OSBPL10: variants seen among roughly 807,000 people sequenced by gnomAD.
OSBPL10 encodes the protein oxysterol-binding protein-related protein 10.
A neutral mutation model predicts 81.7 loss-of-function variants in OSBPL10; 49 were observed. That is an observed-to-expected ratio of 0.60 (90% CI 0.48 to 0.76). The LOEUF (loss-of-function observed/expected upper bound fraction) is 0.76, where lower values mean the gene tolerates loss of function less well. Among genes scored for constraint, OSBPL10 ranks in the 30% least tolerant of loss-of-function variants. OSBPL10 has a pLI of 0.00. For synonymous variants in OSBPL10, 419 were observed against 383.6 expected (o/e 1.09, Z -1.08); for missense variants, 923 against 987.8 (o/e 0.93, Z 0.88).
At chr3:31,786,925 C>T (rs935432695) in intron 4 of OSBPL10, among the ~76,000 whole-genome samples, 4 of 152,136 alleles carry the variant, frequency 2.6e-5, no homozygotes, top group African/African-American at 7.2e-5. Context: ...TCTGAACCAG[C>T]GCACCTCCTT....
intron 1 of OSBPL10, among the ~76,000 whole-genome samples, chr3:31,922,576 C>T (rs2125708183): frequency 6.6e-6 from 1 of 152,168 alleles, no homozygotes; most frequent in Middle Eastern, 3.4e-3. Flanking sequence ...CTGGATCGCA[C>T]CATTGCACTC....
chr3:31,843,614 C>T (rs946505568), intron 3 of OSBPL10, among the ~76,000 whole-genome samples: 5 of 152,176 alleles, frequency 3.3e-5, no homozygotes, highest in Non-Finnish European at 7.4e-5. Flanking sequence ...TCTGACATCT[C>T]TGATCATTGT....
rs2125490510 is a variant in OSBPL10, at chr3:31,660,927, A to G, written c.*1145T>C. On this transcript the variant is annotated 3_prime_UTR_variant, in exon 12 of 12. Coordinates refer to ENST00000396556, the MANE Select transcript of OSBPL10 (RefSeq NM_017784.5). ...AAAATTAGTATTACTACAGAGAAGC[A>G]TTCATGCTATTTGGATTTGATAAAT... is the stretch of plus-strand genomic sequence containing the variant. 1 of 152,808 alleles carries G rather than the reference A, an allele frequency of 6.5e-6. No homozygotes were observed. Among genetic ancestry groups the G allele is most frequent in the South Asian group, 2.1e-4 (1 of 4,830 alleles). The allele number at this position is 152,808 out of a possible 1,614,324, so 9.5% of individuals were successfully genotyped here.
At position 31,802,968 on chromosome 3, in the gene OSBPL10, C is replaced by CT. The variant is rs376218656; in HGVS notation, c.729+27071dup. Among the ~76,000 whole-genome samples, 1,096 of 129,944 alleles carry CT rather than the reference C, an allele frequency of 8.4e-3. 15 individuals carry two copies. The highest frequency in any genetic ancestry group is 0.023 in the African/African-American group (774 of 33,100). The allele number at this position is 129,944 out of a possible 152,430, so 85.2% of individuals were successfully genotyped here. A position where few individuals can be genotyped will look rare whatever the true frequency, so the allele number is the denominator to read the frequency against. On this transcript the variant is annotated intron_variant, in intron 4 of 11. Transcript: ENST00000396556. The stretch of plus-strand genomic sequence containing the variant: ...CTTATTTAGACAATGGTATTGGGTC[C>CT]TTTTTTTTTTTTTTTTTTTTTTTAC...
intron 1 of OSBPL10, among the ~76,000 whole-genome samples, chr3:32,057,349 A>G (rs554360320): frequency 1.3e-5 from 2 of 152,228 alleles, no homozygotes; most frequent in East Asian, 1.9e-4. Context: ...ACCCCTTTCC[A>G]TAACAGTCAT....
intron 1 of OSBPL10, among the ~76,000 whole-genome samples, chr3:31,968,669 C>T (rs1417544116): frequency 1.3e-5 from 2 of 152,170 alleles, no homozygotes; most frequent in Non-Finnish European, 2.9e-5. Context: ...AGAAAACATG[C>T]CATTCTGGCT....
rs186697477 is a variant in OSBPL10, at chr3:32,065,216, T to A, written n.185+12180A>T. On this transcript the variant is annotated intron_variant and non_coding_transcript_variant, in intron 1 of 3. Transcript: ENST00000479173. ...GTGGTATAAAATGACACTTGAAGAGTCTTTTACCAAAAAGGCGGTTCATTG... is the reference window on the plus strand; with the variant it reads ...GTGGTATAAAATGACACTTGAAGAGACTTTTACCAAAAAGGCGGTTCATTG... The A allele has an allele frequency of 2.0e-4, 19 of 93,014 alleles. 7 individuals are homozygous for A. In the South Asian group the frequency reaches 5.9e-3, roughly 29 times the overall value. The allele number at this position is 93,014 out of a possible 1,614,324, so 5.8% of individuals were successfully genotyped here. A position where few individuals can be genotyped will look rare whatever the true frequency, so the allele number is the denominator to read the frequency against.
chr3:31,928,762 C>CCAAAAAAAAA lies in OSBPL10; in HGVS notation c.282-48933_282-48932insTTTTTTTTTG, dbSNP rs768296819. ...TCTGGGCGACAGTGAGACTTGTCTC[C>CCAAAAAAAAA]AAAAAAAAAAAAAAAAAAAGAATGC... is the stretch of plus-strand genomic sequence containing the variant. On this transcript the variant is annotated intron_variant, in intron 1 of 11. Coordinates refer to ENST00000396556, the MANE Select transcript of OSBPL10 (RefSeq NM_017784.5). Among the ~76,000 whole-genome samples, 833 of 94,546 alleles carry CCAAAAAAAAA rather than the reference C, an allele frequency of 8.8e-3. 11 individuals are homozygous for CCAAAAAAAAA. The highest frequency in any genetic ancestry group is 0.016 in the East Asian group (53 of 3,356). 62.0% of individuals were successfully genotyped at this position (94,546 alleles called of 152,430 possible). A position where few individuals can be genotyped will look rare whatever the true frequency, so the allele number is the denominator to read the frequency against.
intron 6 of OSBPL10, among the ~76,000 whole-genome samples, chr3:31,727,615 A>G (rs1447215479): frequency 1.3e-5 from 2 of 152,230 alleles, no homozygotes; most frequent in African/African-American, 4.8e-5. Flanking sequence ...AATCATCATA[A>G]GTCAGTGATA....
chr3:31,718,761 T>A (rs1462861470), intron 6 of OSBPL10: 1 of 152,210 alleles, frequency 6.6e-6, no homozygotes, highest in African/African-American at 2.4e-5. Flanking sequence ...AACGAATTGT[T>A]TTTTTCAACT....
intron 3 of OSBPL10, among the ~76,000 whole-genome samples, chr3:31,872,843 C>G (rs572028520): frequency 6.6e-6 from 1 of 152,084 alleles, no homozygotes; most frequent in African/African-American, 2.4e-5. Context: ...AGGCTGGTCT[C>G]GAACTCCCAG....
rs11383935 is a variant in OSBPL10, at chr3:31,903,330, G to GTTT, written c.282-23503_282-23501dup. ...TCCCTTGTTTTGTTTTGCTTTTTAG[G>GTTT]TTTTTTTTTTTTTTTTAGACAAGGT... On this transcript the variant is annotated intron_variant, in intron 1 of 11. Coordinates refer to ENST00000396556, the MANE Select transcript of OSBPL10 (RefSeq NM_017784.5). 2.6e-3 allele frequency among the ~76,000 whole-genome samples: 359 copies of GTTT among 137,376 alleles called. 2 individuals carry two copies. The highest frequency in any genetic ancestry group is 0.025 in the South Asian group (108 of 4,282). The allele number at this position is 137,376 out of a possible 152,430, so 90.1% of individuals were successfully genotyped here. A position where few individuals can be genotyped will look rare whatever the true frequency, so the allele number is the denominator to read the frequency against.
At chr3:31,835,637 A>G (rs929174936) in intron 3 of OSBPL10, among the ~76,000 whole-genome samples, 4 of 152,320 alleles carry the variant, frequency 2.6e-5, no homozygotes, top group African/African-American at 4.8e-5. Flanking sequence ...AAAAGATACT[A>G]TATTTCAGAA....
intron 4 of OSBPL10, among the ~76,000 whole-genome samples, chr3:31,803,559 C>T (rs1699446413): frequency 6.6e-6 from 1 of 152,210 alleles, no homozygotes. Context: ...CTTTGCGCAA[C>T]TTCCCCTAAG....
At chr3:31,730,194 A>G (rs1696929125) in intron 6 of OSBPL10, among the ~76,000 whole-genome samples, 2 of 152,148 alleles carry the variant, frequency 1.3e-5, no homozygotes, top group South Asian at 4.1e-4. Context: ...TACAAAAATT[A>G]GCTGAGTGTG....
At chr3:31,926,755 C>T (rs560703177) in intron 1 of OSBPL10, among the ~76,000 whole-genome samples, 1 of 152,272 alleles carries the variant, frequency 6.6e-6, no homozygotes, top group Non-Finnish European at 1.5e-5. Flanking sequence ...ATATGAATGA[C>T]ACAGCACCTA....
At chr3:32,031,651 A>G (rs1699470513) in intron 2 of OSBPL10, among the ~76,000 whole-genome samples, 2 of 152,098 alleles carry the variant, frequency 1.3e-5, no homozygotes, top group Admixed American at 6.6e-5. Context: ...ATGGGAGTTC[A>G]CTAAGTTGGC....
At chr3:31,766,321 G>GTT (rs372182366) in intron 4 of OSBPL10, among the ~76,000 whole-genome samples, 4 of 68,592 alleles carry the variant, frequency 5.8e-5, no homozygotes, top group South Asian at 5.6e-4. Flanking sequence ...GCCCAATGTA[G>GTT]TTTTTTTGTT....
intron 7 of OSBPL10, among the ~76,000 whole-genome samples, chr3:31,701,367 A>G (rs961953519): frequency 2.6e-5 from 4 of 151,772 alleles, no homozygotes; most frequent in African/African-American, 7.3e-5. Flanking sequence ...TCCCCAGCAC[A>G]CCCTCCCCGC....
Sources: allele counts gnomAD v4.1 joint callset (sites outside exome capture counted in the v4.1 genomes callset), GRCh38; gene constraint gnomAD v4.1.1; transcripts MANE v1.5; gene names NCBI Gene and HGNC (gene_info 2026-07-23, HGNC 2026-07-21).